ATRNL1: variants seen among roughly 807,000 people sequenced by gnomAD.
ATRNL1 encodes the protein attractin-like protein 1.
In ATRNL1, 95 loss-of-function variants were observed where a neutral mutation model predicts 182.7. The observed-to-expected ratio is 0.52, with a 90% confidence interval of 0.44 to 0.62. ATRNL1 has a LOEUF of 0.62. ATRNL1 is among the 20% of genes least tolerant of loss of function. The pLI is 0.00. For missense variants in ATRNL1, 1,471 were observed against 1,679.5 expected (o/e 0.88, Z 2.17); for synonymous variants, 576 against 568.3 (o/e 1.01, Z -0.19).
At chr10:115,883,739 C>A (rs897397017) in intron 28 of ATRNL1, among the ~76,000 whole-genome samples, 1 of 152,176 alleles carries the variant, frequency 6.6e-6, no homozygotes, top group Non-Finnish European at 1.5e-5. Context: ...CAGAGGGGAT[C>A]TTCTAGAGCT....
chr10:115,710,442 T>C (rs1947029571), intron 26 of ATRNL1, among the ~76,000 whole-genome samples: 1 of 152,168 alleles, frequency 6.6e-6, no homozygotes, highest in Non-Finnish European at 1.5e-5. Context: ...ACACATTGTC[T>C]TTGTCCCACT....
chr10:115,270,066 A>T (rs1592355886), intron 13 of ATRNL1, among the ~76,000 whole-genome samples: 1 of 151,582 alleles, frequency 6.6e-6, no homozygotes, highest in East Asian at 1.9e-4. Context: ...ATGCTTTGAA[A>T]ATTTAAATTA....
At chr10:115,710,089 A>C (rs782377966) in intron 26 of ATRNL1, among the ~76,000 whole-genome samples, 6 of 151,810 alleles carry the variant, frequency 4.0e-5, no homozygotes, top group Non-Finnish European at 8.8e-5. Context: ...GACTGAGTGT[A>C]ATATATAGCA....
At chr10:115,742,826 T>C (rs782676073) in intron 27 of ATRNL1, among the ~76,000 whole-genome samples, 1 of 152,118 alleles carries the variant, frequency 6.6e-6, no homozygotes, top group African/African-American at 2.4e-5. Flanking sequence ...TTGCTCAGAA[T>C]TCCCCAATGG....
intron 26 of ATRNL1, among the ~76,000 whole-genome samples, chr10:115,661,249 A>T (rs558888249): frequency 0.023 from 3,523 of 152,166 alleles, 122 homozygotes; most frequent in African/African-American, 0.081. Context: ...ACCTTCAAAA[A>T]CTGTCAAACG....
intron 26 of ATRNL1, among the ~76,000 whole-genome samples, chr10:115,564,185 C>A (rs972916559): frequency 1.3e-5 from 2 of 151,798 alleles, no homozygotes; most frequent in Admixed American, 6.6e-5. Context: ...TTAGGTAAAC[C>A]ATTATTAGAG....
intron 1 of ATRNL1, among the ~76,000 whole-genome samples, chr10:115,103,592 T>C (rs1275886926): frequency 6.6e-6 from 1 of 152,144 alleles, no homozygotes; most frequent in African/African-American, 2.4e-5. Flanking sequence ...TCAGGGTAAA[T>C]AGGGTATTCA....
chr10:115,494,964 C>T (rs564800678), intron 24 of ATRNL1, among the ~76,000 whole-genome samples: 2 of 152,184 alleles, frequency 1.3e-5, no homozygotes, highest in South Asian at 4.1e-4. Flanking sequence ...TCTGTCTGGT[C>T]TTGGGTTTTT....
At chr10:115,810,008 T>C (rs1174487771) in intron 27 of ATRNL1, among the ~76,000 whole-genome samples, 2 of 151,908 alleles carry the variant, frequency 1.3e-5, no homozygotes, top group Non-Finnish European at 2.9e-5. Flanking sequence ...GAATGGATAT[T>C]GACTTTTAAC....
At chr10:115,835,749 C>T (rs1296126343) in intron 27 of ATRNL1, among the ~76,000 whole-genome samples, 7 of 152,290 alleles carry the variant, frequency 4.6e-5, no homozygotes, top group African/African-American at 1.7e-4. Flanking sequence ...CAGCTCTGAG[C>T]AGAGTCCTTC....
intron 24 of ATRNL1, among the ~76,000 whole-genome samples, chr10:115,479,740 G>A (rs1848680548): frequency 6.6e-6 from 1 of 151,270 alleles, no homozygotes; most frequent in Non-Finnish European, 1.5e-5. Flanking sequence ...TATTTTGGTA[G>A]CACTTGTTCT....
intron 27 of ATRNL1, among the ~76,000 whole-genome samples, chr10:115,804,375 A>G (rs1454614111): frequency 6.6e-6 from 1 of 152,168 alleles, no homozygotes; most frequent in Admixed American, 6.5e-5. Flanking sequence ...ATTAGGAATC[A>G]GGGCCTCTGG....
In ATRNL1 at chr10:115,581,992, G is replaced by C. The variant is rs1234291492; in HGVS notation, c.3795+32456G>C. 2.7e-5 allele frequency among the ~76,000 whole-genome samples: 4 copies of C among 148,442 alleles called. No individual in the cohort carries two copies. In the East Asian group the frequency reaches 8.0e-4, roughly 30 times the overall value. ...TCCCACCTATGAGTGAGAATATGCG[G>C]TGTTTGGTTTTTTGTTCTTGCGATA... is the stretch of plus-strand genomic sequence containing the variant. On this transcript the variant is annotated intron_variant, in intron 26 of 28. Transcript: ENST00000355044.
chr10:115,470,472 A>G (rs1371295051), intron 24 of ATRNL1, among the ~76,000 whole-genome samples: 1 of 150,602 alleles, frequency 6.6e-6, no homozygotes, highest in Non-Finnish European at 1.5e-5. Context: ...TCATAGAGAA[A>G]TATTTATCAA....
chr10:115,534,365 T>G (rs1158248196), intron 25 of ATRNL1, among the ~76,000 whole-genome samples: 2,739 of 152,248 alleles, frequency 0.018, 36 homozygotes, highest in African/African-American at 0.063. Flanking sequence ...GTAATGGCCT[T>G]CTTTGTCTCT....
chr10:115,241,912 T>C (rs540108059), intron 10 of ATRNL1, among the ~76,000 whole-genome samples, 187 bp downstream of exon 10: 14 of 152,220 alleles, frequency 9.2e-5, no homozygotes, highest in Middle Eastern at 6.8e-3. Flanking sequence ...ACAGAAGTAC[T>C]GAGCAGAAGT....
chr10:115,470,342 A>C (rs967387074), intron 24 of ATRNL1, among the ~76,000 whole-genome samples: 2 of 150,488 alleles, frequency 1.3e-5, no homozygotes, highest in Non-Finnish European at 3.0e-5. Context: ...AATTAATTTG[A>C]GAAATTTACT....
At chr10:115,115,831 A>G (rs2143576866) in intron 1 of ATRNL1, among the ~76,000 whole-genome samples, 1 of 152,274 alleles carries the variant, frequency 6.6e-6, no homozygotes, top group East Asian at 1.9e-4. Flanking sequence ...TTATATATCC[A>G]TAGTCAGGAT....
At chr10:115,156,077 T>A (rs1353380800) in intron 5 of ATRNL1, among the ~76,000 whole-genome samples, 1 of 152,036 alleles carries the variant, frequency 6.6e-6, no homozygotes, top group East Asian at 1.9e-4. Flanking sequence ...TTATCTATTG[T>A]AGGGAGGTTT....
Sources: gnomAD v4.1 joint callset for allele counts (sites outside exome capture counted in the v4.1 genomes callset) on GRCh38, gnomAD v4.1.1 for gene constraint, MANE v1.5 for transcripts, NCBI Gene and HGNC (gene_info 2026-07-23, HGNC 2026-07-21) for gene names.